Variants in ANK2 observed in about 807,000 individuals in gnomAD.
The protein encoded by ANK2 is ankyrin 2.
A neutral mutation model predicts 360.5 loss-of-function variants in ANK2; 83 were observed. The ratio of observed to expected loss-of-function variants is 0.23; its 90% CI spans 0.19 to 0.28. The LOEUF (loss-of-function observed/expected upper bound fraction) is 0.28, where lower values mean the gene tolerates loss of function less well. ANK2 is among the 10% of genes least tolerant of loss of function. ANK2 has a pLI of 1.00. For synonymous variants in ANK2, 1,740 were observed against 1,759.5 expected, an observed-to-expected ratio of 0.99 and a Z score of 0.28; for missense variants, 4,201 against 4,795.7, an observed-to-expected ratio of 0.88 and a Z score of 3.66.
At position 113,382,252 on chromosome 4, in the gene ANK2, C is replaced by G. The variant is rs1295825963; in HGVS notation, c.*781C>G. On this transcript the variant is annotated 3_prime_UTR_variant, in exon 46 of 46. Coordinates refer to ENST00000357077, the MANE Select transcript of ANK2 (RefSeq NM_001148.6). ...CCACTGCTCCCAGTTAAAGGTGGGT[C>G]AGTAGCCTTGCAGAACTGTCCTGAG... 1 of 158,360 alleles carries G rather than the reference C, an allele frequency of 6.3e-6. No individual in the cohort carries two copies. Among genetic ancestry groups the G allele is most frequent in the Non-Finnish European group, 1.4e-5 (1 of 71,030 alleles). 9.8% of individuals were successfully genotyped at this position (158,360 alleles called of 1,614,324 possible).
intron 34 of ANK2, among the ~76,000 whole-genome samples, chr4:113,344,674 C>T (rs2094636313): frequency 6.6e-6 from 1 of 152,062 alleles, no homozygotes; most frequent in African/African-American, 2.4e-5. Context: ...GCGGTATACA[C>T]ATGCAATGGA....
chr4:113,110,325 T>C (rs2094152739), intron 1 of ANK2, among the ~76,000 whole-genome samples: 1 of 152,084 alleles, frequency 6.6e-6, no homozygotes, highest in South Asian at 2.1e-4. Flanking sequence ...TCCCACTGGG[T>C]CCCTCCCATG....
the ANK2 span, chr4:112,788,472 C>T: frequency 6.2e-7 from 1 of 1,600,380 alleles, no homozygotes; most frequent in Non-Finnish European, 8.5e-7. Context: ...TTAACTCCTG[C>T]TCAAAGGACA....
At chr4:112,826,167 A>G in intron 1 of ANK2, 1 of 280,764 alleles carries the variant, frequency 3.6e-6, no homozygotes, top group East Asian at 8.5e-5. Flanking sequence ...CATTTCACAG[A>G]TGGTAAGATG....
Position 113,353,757 on chromosome 4 carries a change from AC to A in ANK2, c.5140del (p.Gln1714LysfsTer24). On this transcript the variant is annotated frameshift_variant, in exon 38 of 46. Transcript: ENST00000357077. LOFTEE classifies it high-confidence loss of function. ...VRRKLKEKQK[Q>X]KEEGLQASAE... ...GAAGGAAATTAAAAGAAAAGCAGAA[AC>A]AAAAAGAGGAAGGTTTACAAGCTAG... 1 of 1,613,818 alleles carries A rather than the reference AC, an allele frequency of 6.2e-7. No individual in the cohort carries two copies. Among genetic ancestry groups the A allele is most frequent in the South Asian group, 1.1e-5 (1 of 91,044 alleles).
At chr4:112,725,718 G>C in the ANK2 span, among the ~76,000 whole-genome samples, 1 of 152,050 alleles carries the variant, frequency 6.6e-6, no homozygotes, top group Non-Finnish European at 1.5e-5. Flanking sequence ...AAGGTACCTA[G>C]AGTAGTCAAA....
intron 2 of ANK2, among the ~76,000 whole-genome samples, chr4:112,960,329 A>G (rs1415758054): frequency 6.7e-6 from 1 of 149,948 alleles, no homozygotes; most frequent in African/African-American, 2.4e-5. Flanking sequence ...CCAGAGGTAG[A>G]GCAGCATTAG....
intron 1 of ANK2, among the ~76,000 whole-genome samples, chr4:113,094,470 C>T (rs2090068322): frequency 1.3e-5 from 2 of 152,146 alleles, no homozygotes; most frequent in South Asian, 4.2e-4. Flanking sequence ...ACATCCAGCA[C>T]TAAGAGGACC....
At chr4:113,219,026 A>G (rs2099119178) in intron 4 of ANK2, among the ~76,000 whole-genome samples, 1 of 152,148 alleles carries the variant, frequency 6.6e-6, no homozygotes, top group African/African-American at 2.4e-5. Flanking sequence ...GCCTATACAA[A>G]GTAGTCAGCA....
chr4:113,004,991 T>G (rs764876713), intron 2 of ANK2, among the ~76,000 whole-genome samples: 4 of 152,204 alleles, frequency 2.6e-5, no homozygotes, highest in Admixed American at 2.0e-4. Flanking sequence ...GAGTAAATGC[T>G]TTTTAACTAA....
chr4:113,313,510 A>G (rs1587976704), intron 24 of ANK2, among the ~76,000 whole-genome samples: 1 of 152,198 alleles, frequency 6.6e-6, no homozygotes, highest in Admixed American at 6.5e-5. Context: ...CTCCACTTGC[A>G]TTTCTAGATC....
the ANK2 span, among the ~76,000 whole-genome samples, chr4:112,775,311 A>T: frequency 6.6e-6 from 1 of 151,982 alleles, no homozygotes; most frequent in East Asian, 1.9e-4. Flanking sequence ...TTGAGGTCGG[A>T]AGTTCGAGAC....
chr4:113,158,108 A>G (rs2097369025), intron 1 of ANK2, among the ~76,000 whole-genome samples: 1 of 152,210 alleles, frequency 6.6e-6, no homozygotes, highest in Non-Finnish European at 1.5e-5. Context: ...GATGACTTAA[A>G]AGAAAAAGCA....
chr4:112,987,774 A>AATATATGTATTAGTTCTATAAC (rs2045436666), intron 2 of ANK2, among the ~76,000 whole-genome samples: 1 of 152,106 alleles, frequency 6.6e-6, no homozygotes, highest in Non-Finnish European at 1.5e-5. Context: ...GTATTATACT[A>AATATATGTATTAGTTCTATAAC]ATATATGTAT....
chr4:112,950,227 A>G lies in ANK2; in HGVS notation c.21+45713A>G, dbSNP rs188135704. Reference sequence around the variant, plus strand: ...CTATGCCTTTTTTCCCCCAGTGCCTATTTAGTGCTTGGCCATAGTAGACTC... The same window carrying G: ...CTATGCCTTTTTTCCCCCAGTGCCTGTTTAGTGCTTGGCCATAGTAGACTC... On this transcript the variant is annotated intron_variant, in intron 2 of 30. Coordinates refer to the ANK2 transcript ENST00000503271. 1.6e-4 allele frequency among the ~76,000 whole-genome samples: 25 copies of G among 152,216 alleles called. No individual in the cohort carries two copies. In the East Asian group the frequency reaches 2.9e-3, roughly 18 times the overall value.
At chr4:113,362,624 A>AT (rs2096287467) in intron 39 of ANK2, among the ~76,000 whole-genome samples, 1 of 152,002 alleles carries the variant, frequency 6.6e-6, no homozygotes, top group Non-Finnish European at 1.5e-5. Flanking sequence ...TTTTAAAATT[A>AT]TTTTTTGTAG....
At position 113,293,470 on chromosome 4, in the gene ANK2, C is replaced by A. The variant is rs1435314961; in HGVS notation, c.2407C>A (p.Arg803Ser). ...NGNTALAIAK[R>S]LGYISVVDTL... is the part of the protein sequence containing the mutation. ...CAACACTGCCTTGGCGATTGCTAAG[C>A]GTCTGGGCTACATCTCCGTGGTCGA... is the stretch of plus-strand genomic sequence containing the variant. The change falls in exon 22 of 46, where the codon CGT becomes AGT. Residue 803 changes from arginine (R) to serine (S), a missense_variant. Arg to Ser is a moderately radical substitution (Grantham distance 110). This residue lies in a region of ANK2 where 1,268 missense variants were observed against 1,650.8 expected (regional missense o/e 0.77). Transcript: ENST00000357077. The A allele has an allele frequency of 6.2e-7, 1 of 1,613,770 alleles. No homozygotes were observed. Among genetic ancestry groups the A allele is most frequent in the Non-Finnish European group, 8.5e-7 (1 of 1,179,990 alleles).
intron 23 of ANK2, among the ~76,000 whole-genome samples, chr4:113,305,167 C>T (rs1024361653): frequency 6.6e-6 from 1 of 150,514 alleles, no homozygotes; most frequent in Admixed American, 6.6e-5. Context: ...GGTGAAACCC[C>T]GTCTCTACTA....
intron 2 of ANK2, among the ~76,000 whole-genome samples, chr4:112,936,499 C>T (rs934089090): frequency 7.9e-5 from 12 of 152,132 alleles, no homozygotes; most frequent in Non-Finnish European, 1.8e-4. Context: ...GCGCGTGCCA[C>T]CACACCTGGC....
Sources: gnomAD v4.1 joint callset for allele counts (sites outside exome capture counted in the v4.1 genomes callset) on GRCh38, gnomAD v4.1.1 for gene constraint, gnomAD v4.1.1 regional missense constraint, MANE v1.5 for transcripts, NCBI Gene and HGNC (gene_info 2026-07-23, HGNC 2026-07-21) for gene names.